The following CRPPA variants were observed in gnomAD, a reference collection of about 807,000 sequenced individuals.
CRPPA encodes the protein D-ribitol-5-phosphate cytidylyltransferase.
A neutral mutation model predicts 52.0 loss-of-function variants in CRPPA; 43 were observed. That is an observed-to-expected ratio of 0.83 (90% CI 0.65 to 1.07). The LOEUF is 1.07. CRPPA is among the 50% of genes least tolerant of loss of function. CRPPA has a pLI of 0.00. For synonymous variants in CRPPA, 250 were observed against 203.5 expected, an observed-to-expected ratio of 1.23 and a Z score of -1.94; for missense variants, 629 against 551.7, an observed-to-expected ratio of 1.14 and a Z score of -1.40.
At chr7:16,222,434 TAAAGTA>T (rs1242607976) in intron 8 of CRPPA, among the ~76,000 whole-genome samples, 1 of 149,276 alleles carries the variant, frequency 6.7e-6, no homozygotes, top group Admixed American at 6.7e-5. Flanking sequence ...CCCTAAAACT[TAAAGTA>T]TAATTAAAAA....
chr7:16,387,060 T>G lies in CRPPA; in HGVS notation c.535-10819A>C, dbSNP rs1025401833. Among the ~76,000 whole-genome samples, 19 of 82,910 alleles carry G rather than the reference T, an allele frequency of 2.3e-4. No individual in the cohort carries two copies. In the East Asian group the frequency reaches 2.7e-3, roughly 12 times the overall value. 54.4% of individuals were successfully genotyped at this position (82,910 alleles called of 152,430 possible). A position where few individuals can be genotyped will look rare whatever the true frequency, so the allele number is the denominator to read the frequency against. On this transcript the variant is annotated intron_variant, in intron 2 of 9. Transcript: ENST00000407010. ...TAAAAAAAAGATATATATATATATA[T>G]ATATATATATATATATATATATATA...
rs73291889 is a variant in CRPPA, at chr7:16,149,318, T to A, written c.1252-57519A>T. ...GTTCACATGTAACAGATTTGAATAG[T>A]GAGGACGTTGAAACATTTTCACTTT... On this transcript the variant is annotated intron_variant, in intron 9 of 9. Coordinates refer to ENST00000407010, the MANE Select transcript of CRPPA (RefSeq NM_001101426.4). Among the ~76,000 whole-genome samples the A allele has an allele frequency of 3.0e-3, 450 of 152,280 alleles. 2 individuals are homozygous for A. The highest frequency in any genetic ancestry group is 0.011 in the African/African-American group (438 of 41,540).
At chr7:16,220,957 A>G (rs1372346142) in intron 8 of CRPPA, among the ~76,000 whole-genome samples, 3 of 152,114 alleles carry the variant, frequency 2.0e-5, no homozygotes, top group Non-Finnish European at 4.4e-5. Flanking sequence ...TAAAGTTCAT[A>G]TGGAACCAAA....
At chr7:16,318,874 T>C (rs1242011915) in intron 3 of CRPPA, among the ~76,000 whole-genome samples, 1 of 152,174 alleles carries the variant, frequency 6.6e-6, no homozygotes, top group African/African-American at 2.4e-5. Flanking sequence ...TAGAATACTA[T>C]TGCTGAGGAC....
chr7:16,178,365 G>C lies in CRPPA; in HGVS notation c.1251+37701C>G, dbSNP rs556909921. 2.0e-5 allele frequency among the ~76,000 whole-genome samples: 3 copies of C among 152,166 alleles called. No homozygotes were observed. The South Asian group carries it at 6.2e-4, about 32-fold the overall frequency. On this transcript the variant is annotated intron_variant, in intron 9 of 9. Coordinates refer to ENST00000407010, the MANE Select transcript of CRPPA (RefSeq NM_001101426.4). ...GTACCATATGAAGTACAGTTGTTGA[G>C]CAGAACTTCTAAAGATTTATGTCCA... is the stretch of plus-strand genomic sequence containing the variant.
At chr7:16,215,815 T>G (rs1027897445) in intron 9 of CRPPA, among the ~76,000 whole-genome samples, 6 of 152,204 alleles carry the variant, frequency 3.9e-5, no homozygotes, top group African/African-American at 1.4e-4. Flanking sequence ...TTGATAAACC[T>G]GACAGTTCTA....
chr7:16,215,977 A>T lies in CRPPA; in HGVS notation c.1251+89T>A, dbSNP rs4389828. ...TTTCCAGCTGTAATTTCACTTATCA[A>T]TAATATCCTCCTGCTTTTAACAAAT... On this transcript the variant is annotated intron_variant, in intron 9 of 9. Transcript: ENST00000407010. The T allele has an allele frequency of 0.65, 679,322 of 1,037,554 alleles. 224,018 individuals carry two copies. The highest frequency in any genetic ancestry group is 0.7 in the Admixed American group (27,313 of 38,814). The allele number at this position is 1,037,554 out of a possible 1,614,324, so 64.3% of individuals were successfully genotyped here.
intron 1 of CRPPA, among the ~76,000 whole-genome samples, chr7:16,413,769 T>G (rs1788124881): frequency 6.6e-6 from 1 of 152,220 alleles, no homozygotes; most frequent in South Asian, 2.1e-4. Context: ...AAACACAGAC[T>G]ATGGAGTCTT....
intron 5 of CRPPA, among the ~76,000 whole-genome samples, chr7:16,298,279 C>G (rs962765910): frequency 9.2e-5 from 14 of 152,042 alleles, no homozygotes; most frequent in Non-Finnish European, 1.8e-4. Flanking sequence ...AATTCTAAGA[C>G]ATATATAGCC....
chr7:16,278,107 A>G (rs1173978881), intron 6 of CRPPA, 22 bp downstream of exon 6: 1 of 1,278,638 alleles, frequency 7.8e-7, no homozygotes. Flanking sequence ...AAGTTTATCA[A>G]ACTCAGTCTT....
At position 16,278,196 on chromosome 7, in the gene CRPPA, A is replaced by G. The variant is rs774763465; in HGVS notation, c.866T>C (p.Met289Thr). The G allele has an allele frequency of 5.1e-6, 8 of 1,575,728 alleles. No individual in the cohort carries two copies. In the East Asian group the frequency reaches 1.6e-4, roughly 31 times the overall value. Residue 289 changes from methionine to threonine, a missense_variant, in exon 6 of 10, where the codon ATG becomes ACG. Physicochemically the swap from Met to Thr is moderately conservative, Grantham distance 81. Transcript: ENST00000407010. ...ATGTTTGTTATCTTCTTCTGTATCC[A>G]TAACTACACAAATCTCTTGGGAAAT... ...ERISQEICVV[M>T]DTEEDNKHVG...
intron 9 of CRPPA, among the ~76,000 whole-genome samples, chr7:16,098,791 G>A (rs1781981995): frequency 6.6e-6 from 1 of 152,182 alleles, no homozygotes. Flanking sequence ...TAGTGGAGAT[G>A]AAAATAACTT....
chr7:16,239,597 G>A (rs1263041785), intron 8 of CRPPA, among the ~76,000 whole-genome samples: 7 of 116,814 alleles, frequency 6.0e-5, no homozygotes, highest in Admixed American at 1.9e-4. Flanking sequence ...AGTGAGAGAA[G>A]TTGCCAGGCA....
chr7:16,281,936 G>T (rs181169363), intron 5 of CRPPA, among the ~76,000 whole-genome samples: 1 of 152,056 alleles, frequency 6.6e-6, no homozygotes, highest in South Asian at 2.1e-4. Context: ...GATACTGACT[G>T]AGCATTCAAT....
At chr7:16,139,644 T>G (rs1441284323) in intron 9 of CRPPA, among the ~76,000 whole-genome samples, 1 of 152,188 alleles carries the variant, frequency 6.6e-6, no homozygotes, top group Non-Finnish European at 1.5e-5. Flanking sequence ...AACCAGAAGC[T>G]TCTATCTTTC....
chr7:16,315,605 A>C (rs1455730746), intron 3 of CRPPA, among the ~76,000 whole-genome samples: 1 of 152,106 alleles, frequency 6.6e-6, no homozygotes, highest in African/African-American at 2.4e-5. Flanking sequence ...TAAGAGCAGA[A>C]TGCTCTAGCA....
chr7:16,365,639 G>A (rs964485178), intron 3 of CRPPA, among the ~76,000 whole-genome samples: 4 of 152,120 alleles, frequency 2.6e-5, no homozygotes, highest in African/African-American at 7.2e-5. Flanking sequence ...AAAAAGGCAG[G>A]TGCCCTGTAT....
At chr7:16,179,628 T>C (rs1426788193) in intron 9 of CRPPA, among the ~76,000 whole-genome samples, 1 of 151,988 alleles carries the variant, frequency 6.6e-6, no homozygotes, top group Non-Finnish European at 1.5e-5. Flanking sequence ...CACTAGAGAC[T>C]TGAGAAGGAA....
chr7:16,182,678 G>C (rs1005971725), intron 9 of CRPPA, among the ~76,000 whole-genome samples: 3 of 152,088 alleles, frequency 2.0e-5, no homozygotes, highest in African/African-American at 7.2e-5. Flanking sequence ...TCATAACCAA[G>C]TTATCAGCCC....
Sources: allele counts gnomAD v4.1 joint callset (sites outside exome capture counted in the v4.1 genomes callset), GRCh38; gene constraint gnomAD v4.1.1; transcripts MANE v1.5; gene names NCBI Gene and HGNC (gene_info 2026-07-23, HGNC 2026-07-21).